DPH6: variants seen among roughly 807,000 people sequenced by gnomAD.
The protein encoded by DPH6 is diphthamine biosynthesis 6, also known as diphthine--ammonia ligase.
A neutral mutation model predicts 38.2 loss-of-function variants in DPH6; 33 were observed. That is an observed-to-expected ratio of 0.86 (90% CI 0.65 to 1.15). DPH6 has a LOEUF of 1.15. Ranked by LOEUF, DPH6 falls within the 50% of genes most tolerant of loss-of-function variation. DPH6 has a pLI of 0.00. For synonymous variants in DPH6, 108 were observed against 103.0 expected, an observed-to-expected ratio of 1.05 and a Z score of -0.30; for missense variants, 325 against 320.0, an observed-to-expected ratio of 1.02 and a Z score of -0.12.
At chr15:35,456,253 T>C (rs552517348) in intron 3 of DPH6, among the ~76,000 whole-genome samples, 2 of 152,020 alleles carry the variant, frequency 1.3e-5, no homozygotes, top group Non-Finnish European at 2.9e-5. Flanking sequence ...TAAATGTAAA[T>C]ACAGTATAGA....
intron 5 of DPH6, among the ~76,000 whole-genome samples, chr15:35,436,644 T>C (rs1303274159): frequency 6.6e-6 from 1 of 152,054 alleles, no homozygotes; most frequent in Admixed American, 6.5e-5. Context: ...GGTTTCTTGC[T>C]CAGGCACCTT....
chr15:35,396,763 A>G (rs756835631), intron 6 of DPH6, among the ~76,000 whole-genome samples: 3 of 152,210 alleles, frequency 2.0e-5, no homozygotes, highest in Admixed American at 1.3e-4. Flanking sequence ...TATGTTCAAA[A>G]TTCAAAATCT....
At chr15:35,261,482 T>C (rs1483192138) in intron 3 of DPH6, among the ~76,000 whole-genome samples, 5 of 152,134 alleles carry the variant, frequency 3.3e-5, no homozygotes, top group Non-Finnish European at 7.3e-5. Flanking sequence ...TAGAAGTGCT[T>C]AGGTTAACCA....
At chr15:35,275,249 C>T (rs2051850093) in intron 3 of DPH6, among the ~76,000 whole-genome samples, 2 of 152,186 alleles carry the variant, frequency 1.3e-5, no homozygotes, top group South Asian at 4.1e-4. Flanking sequence ...GACACATGCA[C>T]ATGTATGTTT....
chr15:35,289,592 T>C (rs1030689763), intron 3 of DPH6, among the ~76,000 whole-genome samples: 2 of 152,196 alleles, frequency 1.3e-5, no homozygotes, highest in Admixed American at 1.3e-4. Flanking sequence ...TTGTAAAAAA[T>C]TGTCATAGGA....
chr15:35,543,161 T>G (rs905685517), intron 1 of DPH6, among the ~76,000 whole-genome samples: 3 of 145,942 alleles, frequency 2.1e-5, no homozygotes, highest in African/African-American at 7.6e-5. Flanking sequence ...TCTGCAGAGA[T>G]AAAAAACAAG....
At chr15:35,231,494 G>T (rs2051517219) in intron 3 of DPH6, among the ~76,000 whole-genome samples, 1 of 152,152 alleles carries the variant, frequency 6.6e-6, no homozygotes, top group Non-Finnish European at 1.5e-5. Context: ...CTGATTTTTG[G>T]TTCATACAAA....
intron 5 of DPH6, among the ~76,000 whole-genome samples, chr15:35,424,074 AT>A (rs150438145): frequency 0.34 from 50,848 of 150,694 alleles, 10,118 homozygotes; most frequent in African/African-American, 0.56. Flanking sequence ...GAATTTTGGG[AT>A]TTTTTTTTCT....
chr15:35,307,520 C>T (rs1005375000), intron 3 of DPH6, among the ~76,000 whole-genome samples: 1 of 151,844 alleles, frequency 6.6e-6, no homozygotes, highest in African/African-American at 2.4e-5. Flanking sequence ...GGAAAAACAA[C>T]AGTATAAAGG....
intron 3 of DPH6, among the ~76,000 whole-genome samples, chr15:35,256,489 T>G (rs1238580424): frequency 2.6e-5 from 4 of 152,252 alleles, no homozygotes; most frequent in Non-Finnish European, 5.9e-5. Flanking sequence ...ATTTTTATCT[T>G]TGAATGTTCT....
intron 3 of DPH6, among the ~76,000 whole-genome samples, chr15:35,241,286 C>G (rs1232806432): frequency 7.0e-6 from 1 of 142,976 alleles, no homozygotes; most frequent in Non-Finnish European, 1.5e-5. Flanking sequence ...TAGACCATCA[C>G]GGACGCCGAG....
At chr15:35,224,100 G>GTTTTTTTTT (rs142813866) in intron 3 of DPH6, among the ~76,000 whole-genome samples, 28 of 88,880 alleles carry the variant, frequency 3.2e-4, no homozygotes, top group East Asian at 7.2e-4. Flanking sequence ...CATGATTTTA[G>GTTTTTTTTT]TTTTTTTTTT....
chr15:35,276,213 G>A (rs1327969035), intron 3 of DPH6, among the ~76,000 whole-genome samples: 1 of 152,140 alleles, frequency 6.6e-6, no homozygotes, highest in Non-Finnish European at 1.5e-5. Context: ...TCGTATGTTT[G>A]TTGGCCATTT....
At chr15:35,335,951 T>C (rs1473361488) in intron 3 of DPH6, among the ~76,000 whole-genome samples, 2 of 152,238 alleles carry the variant, frequency 1.3e-5, no homozygotes, top group African/African-American at 2.4e-5. Context: ...GGGAATAGCA[T>C]TGAATCTATA....
intron 3 of DPH6, among the ~76,000 whole-genome samples, chr15:35,465,108 C>T (rs1015694690): frequency 2.6e-5 from 4 of 152,100 alleles, no homozygotes; most frequent in Admixed American, 2.0e-4. Context: ...AACAAGTGGT[C>T]CTTTCTTATA....
At chr15:35,389,608 T>C (rs1436784607) in intron 6 of DPH6, among the ~76,000 whole-genome samples, 1 of 152,242 alleles carries the variant, frequency 6.6e-6, no homozygotes, top group Non-Finnish European at 1.5e-5. Context: ...GCCTTCTTTG[T>C]CTCTTTCGAT....
chr15:35,495,653 T>C (rs1158627032), intron 3 of DPH6, among the ~76,000 whole-genome samples: 2 of 152,192 alleles, frequency 1.3e-5, no homozygotes, highest in Non-Finnish European at 2.9e-5. Context: ...ATTCTGATGA[T>C]GTCAATTCTC....
intron 3 of DPH6, among the ~76,000 whole-genome samples, chr15:35,518,197 G>T (rs1367282625): frequency 6.6e-6 from 1 of 152,014 alleles, no homozygotes; most frequent in African/African-American, 2.4e-5. Flanking sequence ...TTACACAAAA[G>T]GAGTGTATGT....
intron 5 of DPH6, among the ~76,000 whole-genome samples, chr15:35,443,775 A>G (rs933628122): frequency 1.3e-5 from 2 of 152,170 alleles, no homozygotes; most frequent in Non-Finnish European, 2.9e-5. Flanking sequence ...AAGTTTCTGT[A>G]AAATTTGCTC....
Sources: gnomAD v4.1 joint callset for allele counts (sites outside exome capture counted in the v4.1 genomes callset) on GRCh38, gnomAD v4.1.1 for gene constraint, MANE v1.5 for transcripts, NCBI Gene and HGNC (gene_info 2026-07-23, HGNC 2026-07-21) for gene names.